GARIN1A: variants seen among roughly 807,000 people sequenced by gnomAD.
The protein encoded by GARIN1A is Golgi-associated RAB2 interactor protein 1A.
the GARIN1A span, among the ~76,000 whole-genome samples, chr7:128,699,260 G>GCCCCCCCC: frequency 7.6e-5 from 8 of 105,014 alleles, 1 homozygote; most frequent in Non-Finnish European, 1.4e-4. Context: ...CATACCTGCT[G>GCCCCCCCC]CCCCCCCCCC....
the GARIN1A span, chr7:128,678,021 T>C: frequency 5.1e-4 from 149 of 290,250 alleles, no homozygotes; most frequent in South Asian, 1.4e-3. Flanking sequence ...GTTTCTTTTT[T>C]TTTTTTTTTT....
chr7:128,680,753 G>C, the GARIN1A span, among the ~76,000 whole-genome samples: 1 of 152,100 alleles, frequency 6.6e-6, no homozygotes, highest in South Asian at 2.1e-4. Flanking sequence ...TTTTAGTAGA[G>C]ACAGGGTTTC....
chr7:128,683,887 G>C, the GARIN1A span: 2 of 155,588 alleles, frequency 1.3e-5, no homozygotes, highest in East Asian at 1.9e-4. Flanking sequence ...AGGCAAAAGA[G>C]AAGCAGACCT....
At chr7:128,688,935 C>A in the GARIN1A span, among the ~76,000 whole-genome samples, 1 of 150,874 alleles carries the variant, frequency 6.6e-6, no homozygotes, top group East Asian at 1.9e-4. Context: ...CGAGTGCCTG[C>A]GATTGCAGGC....
the GARIN1A span, among the ~76,000 whole-genome samples, chr7:128,699,273 C>G: frequency 2.0e-5 from 2 of 101,308 alleles, no homozygotes; most frequent in Non-Finnish European, 4.3e-5. Flanking sequence ...CCCCCCCCCC[C>G]ACCACCAAAA....
At chr7:128,696,707 C>T in the GARIN1A span, among the ~76,000 whole-genome samples, 1 of 152,104 alleles carries the variant, frequency 6.6e-6, no homozygotes, top group African/African-American at 2.4e-5. Flanking sequence ...TCCCAGTGGG[C>T]AGAACTCCAC....
chr7:128,688,641 T>A, the GARIN1A span, among the ~76,000 whole-genome samples: 2 of 152,136 alleles, frequency 1.3e-5, no homozygotes, highest in Admixed American at 6.5e-5. Flanking sequence ...AGTTGTGTGA[T>A]CTTCTTTTGA....
the GARIN1A span, chr7:128,687,437 C>T: frequency 6.6e-6 from 1 of 152,232 alleles, no homozygotes; most frequent in African/African-American, 2.4e-5. Context: ...GACACCAGAA[C>T]AGCTCTGTGA....
chr7:128,677,907 CT>C, the GARIN1A span: 1 of 1,054,266 alleles, frequency 9.5e-7, no homozygotes, highest in Non-Finnish European at 1.3e-6. Context: ...GTTTCCATGT[CT>C]TTTAAAAGCT....
At chr7:128,679,107 T>A in the GARIN1A span, among the ~76,000 whole-genome samples, 4 of 151,500 alleles carry the variant, frequency 2.6e-5, no homozygotes, top group South Asian at 2.1e-4. Flanking sequence ...ATATATATAT[T>A]AATGCCATAT....
At chr7:128,677,790 C>T in the GARIN1A span, 1 of 1,613,512 alleles carries the variant, frequency 6.2e-7, no homozygotes, top group Non-Finnish European at 8.5e-7. Flanking sequence ...GCCCAAGATG[C>T]CCACCAACTC....
the GARIN1A span, among the ~76,000 whole-genome samples, chr7:128,700,700 C>A: frequency 1.4e-3 from 220 of 152,158 alleles, no homozygotes; most frequent in Admixed American, 4.8e-3. Flanking sequence ...TAGCTGGAAT[C>A]CCAGGAGAAG....
chr7:128,679,957 C>A, the GARIN1A span: 1 of 824,938 alleles, frequency 1.2e-6, no homozygotes, highest in Non-Finnish European at 1.8e-6. Context: ...CAAACCCCTT[C>A]AAAGTTCTAC....
At chr7:128,699,191 A>G in the GARIN1A span, among the ~76,000 whole-genome samples, 2 of 151,208 alleles carry the variant, frequency 1.3e-5, no homozygotes, top group African/African-American at 4.9e-5. Flanking sequence ...TATTACAAAA[A>G]TATTGTTCAT....
At chr7:128,678,482 A>G in the GARIN1A span, among the ~76,000 whole-genome samples, 3 of 152,204 alleles carry the variant, frequency 2.0e-5, no homozygotes, top group African/African-American at 7.2e-5. Context: ...CATAAATATC[A>G]TACCAAATTA....
the GARIN1A span, chr7:128,677,995 T>A: frequency 2.5e-6 from 1 of 403,256 alleles, no homozygotes; most frequent in Non-Finnish European, 4.4e-6. Flanking sequence ...TCCCTAATAT[T>A]AAGACATTTA....
the GARIN1A span, chr7:128,686,646 T>G: frequency 6.6e-6 from 1 of 152,090 alleles, no homozygotes; most frequent in African/African-American, 2.4e-5. Flanking sequence ...AAGGCCAAGG[T>G]GGGCAGATCA....
At chr7:128,684,104 A>C in the GARIN1A span, 3 of 152,214 alleles carry the variant, frequency 2.0e-5, no homozygotes, top group African/African-American at 7.2e-5. Flanking sequence ...TCCAAATCAT[A>C]TATCAGTCTG....
At chr7:128,699,228 G>A in the GARIN1A span, among the ~76,000 whole-genome samples, 2 of 144,244 alleles carry the variant, frequency 1.4e-5, no homozygotes, top group African/African-American at 5.1e-5. Flanking sequence ...CAGAACTAAA[G>A]TAATTTTGGG....
Sources: gnomAD v4.1 joint callset for allele counts (sites outside exome capture counted in the v4.1 genomes callset) on GRCh38, gnomAD v4.1.1 for gene constraint, MANE v1.5 for transcripts, NCBI Gene and HGNC (gene_info 2026-07-23, HGNC 2026-07-21) for gene names.